Variants in NINJ2 observed in about 807,000 individuals in gnomAD.
NINJ2 encodes ninjurin-2.
NINJ2 carries 12 observed loss-of-function variants against 11.7 expected under a neutral mutation model. That is an observed-to-expected ratio of 1.02 (90% CI 0.66 to 1.66). The LOEUF is 1.66. NINJ2 is among the 40% of genes most tolerant of loss of function. The pLI is 0.00. For synonymous variants in NINJ2, 93 were observed against 76.8 expected (o/e 1.21, Z -1.10); for missense variants, 187 against 181.8 (o/e 1.03, Z -0.16).
intron 1 of NINJ2, among the ~76,000 whole-genome samples, chr12:639,411 A>C (rs1483888822): frequency 6.6e-6 from 1 of 152,192 alleles, no homozygotes; most frequent in Non-Finnish European, 1.5e-5. Flanking sequence ...AGGAGGTGGC[A>C]GACCCAGGAT....
chr12:576,009 G>A (rs1002016635), intron 1 of NINJ2, among the ~76,000 whole-genome samples: 5 of 152,150 alleles, frequency 3.3e-5, no homozygotes, highest in Non-Finnish European at 5.9e-5. Flanking sequence ...GGGGCAGGCC[G>A]CATGCAGGCT....
chr12:610,403 A>G, intron 1 of NINJ2: 2 of 1,535,534 alleles, frequency 1.3e-6, no homozygotes, highest in Middle Eastern at 1.7e-4. Flanking sequence ...CTCTTGCCCC[A>G]CCAAGCAATT....
intron 1 of NINJ2, chr12:643,364 T>C: frequency 5.7e-6 from 5 of 884,806 alleles, no homozygotes; most frequent in Non-Finnish European, 6.8e-6. Context: ...GTGGCGTTCC[T>C]GAGTCCGCGG....
At chr12:659,948 A>T (rs573788793) in intron 1 of NINJ2, among the ~76,000 whole-genome samples, 1 of 152,122 alleles carries the variant, frequency 6.6e-6, no homozygotes, top group Non-Finnish European at 1.5e-5. Context: ...AAAGGTGTCA[A>T]AAAACTTCCT....
At chr12:647,548 C>T (rs75745886) in intron 1 of NINJ2, among the ~76,000 whole-genome samples, 2,402 of 152,292 alleles carry the variant, frequency 0.016, 29 homozygotes, top group Middle Eastern at 0.027. Flanking sequence ...GGCACCTGCT[C>T]CAACCTGGGC....
intron 1 of NINJ2, among the ~76,000 whole-genome samples, chr12:603,661 C>A (rs1358927438): frequency 6.8e-6 from 1 of 147,292 alleles, no homozygotes; most frequent in African/African-American, 2.6e-5. Context: ...AAAGACTATT[C>A]TTTTTCTTTT....
chr12:624,266 C>T (rs559080167), intron 1 of NINJ2, among the ~76,000 whole-genome samples: 35 of 152,150 alleles, frequency 2.3e-4, no homozygotes, highest in African/African-American at 3.1e-4. Flanking sequence ...GGAAGATTGG[C>T]AGGGAAGGCC....
chr12:615,957 A>G (rs1246467479), intron 1 of NINJ2, among the ~76,000 whole-genome samples: 2 of 152,238 alleles, frequency 1.3e-5, no homozygotes, highest in South Asian at 4.1e-4. Flanking sequence ...GAGAGCTAGA[A>G]TATCATTCCA....
chr12:646,013 T>C (rs1937674067), intron 1 of NINJ2: 1 of 152,162 alleles, frequency 6.6e-6, no homozygotes, highest in South Asian at 2.1e-4. Context: ...ACATGGAGAA[T>C]GGAAAACAAA....
At chr12:631,530 A>G (rs867343155) in intron 1 of NINJ2, among the ~76,000 whole-genome samples, 2 of 151,884 alleles carry the variant, frequency 1.3e-5, no homozygotes, top group African/African-American at 4.8e-5. Flanking sequence ...CGCCCAGCTA[A>G]TTTTTATATT....
rs545248047 is a variant in NINJ2 at position 646,261 on chromosome 12, C to T, written c.33+17067G>A. Among the ~76,000 whole-genome samples, 16 of 152,256 alleles carry T rather than the reference C, an allele frequency of 1.1e-4. No homozygotes were observed. In the East Asian group the frequency reaches 1.9e-3, roughly 18 times the overall value. On this transcript the variant is annotated intron_variant, in intron 1 of 3. Coordinates refer to ENST00000305108, the MANE Select transcript of NINJ2 (RefSeq NM_016533.6). Reference sequence around the variant, plus strand: ...GCCCCCAGGATATTTTTTTCTCCTACGCAGTGAAGCGAAATCTCAGCTTTT... The same window carrying T: ...GCCCCCAGGATATTTTTTTCTCCTATGCAGTGAAGCGAAATCTCAGCTTTT...
chr12:639,636 G>C (rs1185281812), intron 1 of NINJ2, among the ~76,000 whole-genome samples: 1 of 152,178 alleles, frequency 6.6e-6, no homozygotes, highest in Non-Finnish European at 1.5e-5. Context: ...AGGAGCTACT[G>C]ATGCCTTCTG....
chr12:642,152 G>C, intron 1 of NINJ2, among the ~76,000 whole-genome samples: 1 of 152,284 alleles, frequency 6.6e-6, no homozygotes, highest in South Asian at 2.1e-4. Flanking sequence ...TCTGTGAGTC[G>C]CGGTTAATAA....
At position 640,623 on chromosome 12, in the gene NINJ2, C is replaced by T. The variant is rs1948406343; in HGVS notation, c.33+22705G>A. ...CACTGCAACCTCAGCCTCTAGGGTT[C>T]AAGTGAGTCTCGTGCCTCAGCATCC... On this transcript the variant is annotated intron_variant, in intron 1 of 3. Coordinates refer to ENST00000305108, the MANE Select transcript of NINJ2 (RefSeq NM_016533.6). This position sits in a 1 kb window ranked among gnomAD's most constrained non-coding sequence, Gnocchi z 4.0. 6.6e-6 allele frequency among the ~76,000 whole-genome samples: 1 copy of T among 152,060 alleles called. No homozygotes were observed. Among genetic ancestry groups the T allele is most frequent in the South Asian group, 2.1e-4 (1 of 4,814 alleles).
chr12:642,154 G>A (rs1948426568), intron 1 of NINJ2, among the ~76,000 whole-genome samples: 1 of 152,124 alleles, frequency 6.6e-6, no homozygotes, highest in Admixed American at 6.5e-5. Context: ...TGTGAGTCGC[G>A]GTTAATAATA....
Position 628,209 on chromosome 12 carries a change from G to A in NINJ2, c.33+35119C>T, listed in dbSNP as rs955463604. On this transcript the variant is annotated intron_variant, in intron 1 of 3. Transcript: ENST00000305108. The surrounding 1 kb of genome is among the most constrained non-coding windows in gnomAD (Gnocchi z 4.4). ...GGTGGAGAAGGGGCCATGAGCCTCT[G>A]GCAGGCCTCTGTGTCACACCTTTCC... Among the ~76,000 whole-genome samples, 12 of 151,926 alleles carry A rather than the reference G, an allele frequency of 7.9e-5. No homozygotes were observed. Among genetic ancestry groups the A allele is most frequent in the Non-Finnish European group, 1.6e-4 (11 of 68,026 alleles).
chr12:601,410 T>A (rs770741690), intron 1 of NINJ2, among the ~76,000 whole-genome samples: 6 of 150,242 alleles, frequency 4.0e-5, no homozygotes, highest in East Asian at 1.9e-4. Context: ...TAGCCAGGCG[T>A]GGTGGCGGGC....
intron 1 of NINJ2, among the ~76,000 whole-genome samples, chr12:567,379 G>T (rs1458337295): frequency 6.9e-6 from 1 of 145,512 alleles, no homozygotes; most frequent in African/African-American, 2.6e-5. Flanking sequence ...ATGCATACCA[G>T]TTAAACACTC....
intron 1 of NINJ2, among the ~76,000 whole-genome samples, chr12:634,919 TA>T (rs1400331308): frequency 6.6e-6 from 1 of 152,112 alleles, no homozygotes; most frequent in African/African-American, 2.4e-5. Context: ...ACTTCTTTTT[TA>T]AAAAATAGAG....
Sources: gnomAD v4.1 joint callset for allele counts (sites outside exome capture counted in the v4.1 genomes callset) on GRCh38, gnomAD v4.1.1 for gene constraint, Gnocchi (gnomAD v3.1) non-coding constraint, MANE v1.5 for transcripts, NCBI Gene and HGNC (gene_info 2026-07-23, HGNC 2026-07-21) for gene names.